Variants in CRACR2A observed in about 807,000 individuals in gnomAD.
The protein encoded by CRACR2A is EF-hand calcium-binding domain-containing protein 4B.
A neutral mutation model predicts 90.5 loss-of-function variants in CRACR2A; 79 were observed. That is an observed-to-expected ratio of 0.87 (90% CI 0.73 to 1.05). The LOEUF (loss-of-function observed/expected upper bound fraction) is 1.05, where lower values mean the gene tolerates loss of function less well. Ranked by LOEUF, CRACR2A falls within the 50% of genes least tolerant of loss-of-function variation. CRACR2A has a pLI of 0.00. For synonymous variants in CRACR2A, 338 were observed against 356.7 expected (o/e 0.95, Z 0.59); for missense variants, 823 against 897.2 (o/e 0.92, Z 1.06).
intron 3 of CRACR2A, 24 bp from the exon 4 acceptor site, chr12:3,697,059 G>A (rs1316214808): frequency 6.5e-7 from 1 of 1,539,800 alleles, no homozygotes; most frequent in Non-Finnish European, 8.8e-7. Context: ...ATGGGAGAGA[G>A]AAGTGGGTGT....
chr12:3,675,612 G>A (rs1211850170), intron 6 of CRACR2A, among the ~76,000 whole-genome samples: 1 of 152,100 alleles, frequency 6.6e-6, no homozygotes, highest in African/African-American at 2.4e-5. Flanking sequence ...TGGAGAACCA[G>A]GACTCTTCCT....
At position 3,652,814 on chromosome 12, in the gene CRACR2A, C is replaced by T. The variant is rs117278229; in HGVS notation, c.1046+1398G>A. Among the ~76,000 whole-genome samples, 317 of 152,178 alleles carry T rather than the reference C, an allele frequency of 2.1e-3. 10 individuals are homozygous for T. In the East Asian group the frequency reaches 0.055, roughly 27 times the overall value. ...TGAATGAAGAGTGCATAAACGAATG[C>T]GTGAGTAAATGATAGCAAGTCCAAC... On this transcript the variant is annotated intron_variant, in intron 10 of 19. Coordinates refer to ENST00000440314, the MANE Select transcript of CRACR2A (RefSeq NM_001144958.2).
intron 1 of CRACR2A, among the ~76,000 whole-genome samples, chr12:3,733,988 T>TTTTTTTTTA (rs10650778): frequency 4.7e-5 from 7 of 148,314 alleles, no homozygotes; most frequent in South Asian, 2.2e-4. Flanking sequence ...TTTTTTTTTT[T>TTTTTTTTTA]GAGATGGAGT....
intron 1 of CRACR2A, among the ~76,000 whole-genome samples, chr12:3,739,663 C>T (rs185566742): frequency 3.9e-5 from 6 of 152,208 alleles, no homozygotes; most frequent in East Asian, 3.9e-4. Flanking sequence ...TGGCTGAGCA[C>T]GGTGGCTCAT....
chr12:3,720,416 G>GAAGAAAAAGAAAGAAAGAAAGA (rs1395795980), intron 2 of CRACR2A, among the ~76,000 whole-genome samples: 130 of 106,710 alleles, frequency 1.2e-3, no homozygotes, highest in African/African-American at 4.1e-3. Flanking sequence ...TGAGAGAGAG[G>GAAGAAAAAGAAAGAAAGAAAGA]AAGAAAGAAA....
chr12:3,654,255 T>C lies in CRACR2A; in HGVS notation c.1003A>G (p.Ser335Gly). Residue 335 changes from serine (S) to glycine (G), a missense_variant, in exon 10 of 20, where the codon AGC (serine) becomes GGC (glycine). By Grantham distance (56) the Ser-to-Gly change is moderately conservative (BLOSUM62 0). Coordinates refer to ENST00000440314, the MANE Select transcript of CRACR2A (RefSeq NM_001144958.2). Reference protein sequence around the residue: ...ELQDAQQQLESLQQEACKLHQ... With the variant: ...ELQDAQQQLEGLQQEACKLHQ... The stretch of plus-strand genomic sequence containing the variant: ...AGTTTGCAGGCCTCTTGCTGGAGGC[T>C]TTCCAACTGCTGCTGAGCATCCTGG... 1 of 1,613,780 alleles carries C rather than the reference T, an allele frequency of 6.2e-7. No homozygotes were observed. Among genetic ancestry groups the C allele is most frequent in the Non-Finnish European group, 8.5e-7 (1 of 1,179,906 alleles).
Position 3,728,238 on chromosome 12 carries a change from TCA to T in CRACR2A, c.-118+4702_-118+4703del, listed in dbSNP as rs1474407497. The T allele has an allele frequency of 2.6e-5, 4 of 152,334 alleles. No individual in the cohort carries two copies. In the East Asian group the frequency reaches 5.8e-4, roughly 22 times the overall value. The allele number at this position is 152,334 out of a possible 1,614,324, so 9.4% of individuals were successfully genotyped here. On this transcript the variant is annotated intron_variant, in intron 2 of 19. Transcript: ENST00000440314. ...GGGACTGAGTTTCAACACTTTTGTTTCACACAGTTTCAGCACTCACACCAGCT... is the reference window on the plus strand; with the variant it reads ...GGGACTGAGTTTCAACACTTTTGTTTCACAGTTTCAGCACTCACACCAGCT...
chr12:3,698,382 T>G (rs560999888), intron 3 of CRACR2A, among the ~76,000 whole-genome samples: 62 of 152,192 alleles, frequency 4.1e-4, no homozygotes, highest in Non-Finnish European at 7.9e-4. Flanking sequence ...CAGGTTTCTC[T>G]GATTACCAGG....
chr12:3,619,561 G>A (rs1591631433), intron 17 of CRACR2A, among the ~76,000 whole-genome samples, 189 bp from the exon 18 acceptor site: 1 of 151,142 alleles, frequency 6.6e-6, no homozygotes, highest in Non-Finnish European at 1.5e-5. Flanking sequence ...AGTTTATCAT[G>A]CTTTTGCAAG....
intron 15 of CRACR2A, among the ~76,000 whole-genome samples, chr12:3,630,935 C>T (rs1944365611): frequency 6.6e-6 from 1 of 152,194 alleles, no homozygotes; most frequent in Non-Finnish European, 1.5e-5. Flanking sequence ...TGGAGGTGAG[C>T]TGGAAGAACA....
chr12:3,676,810 C>T (rs1443789664), intron 6 of CRACR2A, among the ~76,000 whole-genome samples: 1 of 152,120 alleles, frequency 6.6e-6, no homozygotes, highest in Non-Finnish European at 1.5e-5. Flanking sequence ...ATTGTAAAAT[C>T]AAGGTTCACC....
intron 4 of CRACR2A, among the ~76,000 whole-genome samples, chr12:3,681,031 C>T (rs1307221753): frequency 6.6e-6 from 1 of 152,236 alleles, no homozygotes; most frequent in African/African-American, 2.4e-5. Context: ...CCTAAGCCCC[C>T]TTTCCTCTCC....
At chr12:3,672,161 T>C (rs947985569) in intron 7 of CRACR2A, among the ~76,000 whole-genome samples, 5 of 152,194 alleles carry the variant, frequency 3.3e-5, no homozygotes, top group Non-Finnish European at 7.3e-5. Flanking sequence ...TCCCCAGATC[T>C]GTGTATACCC....
chr12:3,660,901 G>A (rs1591665764), intron 7 of CRACR2A, among the ~76,000 whole-genome samples: 1 of 144,804 alleles, frequency 6.9e-6, no homozygotes, highest in African/African-American at 2.6e-5. Context: ...TTTGGCCCCT[G>A]CCATTCTAAC....
chr12:3,647,081 C>A (rs1271222717), intron 11 of CRACR2A, among the ~76,000 whole-genome samples: 1 of 152,174 alleles, frequency 6.6e-6, no homozygotes, highest in African/African-American at 2.4e-5. Flanking sequence ...AAATTGCTTG[C>A]GTTTGTACCC....
At chr12:3,615,477 G>A in intron 19 of CRACR2A, 38 bp from the exon 20 acceptor site, 2 of 1,519,376 alleles carry the variant, frequency 1.3e-6, no homozygotes, top group South Asian at 1.3e-5. Flanking sequence ...TGATGGAGAA[G>A]TTGATAGGCC....
chr12:3,692,634 G>T (rs917744190), intron 4 of CRACR2A, among the ~76,000 whole-genome samples: 1 of 152,180 alleles, frequency 6.6e-6, no homozygotes, highest in Admixed American at 6.5e-5. Flanking sequence ...TTCTTTGTAC[G>T]TGCCAACAGC....
intron 10 of CRACR2A, among the ~76,000 whole-genome samples, chr12:3,653,227 C>T (rs997214465): frequency 1.3e-5 from 2 of 149,472 alleles, no homozygotes; most frequent in African/African-American, 2.5e-5. Context: ...GTAATCTGCC[C>T]ACCTTGGCCT....
chr12:3,665,597 A>T (rs1352445578), intron 7 of CRACR2A, among the ~76,000 whole-genome samples: 1 of 152,244 alleles, frequency 6.6e-6, no homozygotes, highest in Admixed American at 6.5e-5. Context: ...CCAGAGGCCA[A>T]GGACCCCATT....
Sources: allele counts gnomAD v4.1 joint callset (sites outside exome capture counted in the v4.1 genomes callset), GRCh38; gene constraint gnomAD v4.1.1; transcripts MANE v1.5; gene names NCBI Gene and HGNC (gene_info 2026-07-23, HGNC 2026-07-21).